Variants in SMAD1 observed in about 807,000 individuals in gnomAD.
SMAD1 encodes the protein MAD, mothers against decapentaplegic homolog 1.
A neutral mutation model predicts 41.6 loss-of-function variants in SMAD1; 6 were observed. That is an observed-to-expected ratio of 0.14 (90% CI 0.08 to 0.28). The LOEUF (loss-of-function observed/expected upper bound fraction) is 0.28, where lower values mean the gene tolerates loss of function less well. SMAD1 is among the 10% of genes least tolerant of loss of function. The pLI is 1.00. For missense variants in SMAD1, 379 were observed against 582.6 expected (o/e 0.65, Z 3.60); for synonymous variants, 206 against 203.2 (o/e 1.01, Z -0.12).
intron 2 of SMAD1, among the ~76,000 whole-genome samples, chr4:145,522,214 G>A (rs1171836442): frequency 6.6e-6 from 1 of 152,140 alleles, no homozygotes; most frequent in African/African-American, 2.4e-5. Context: ...GCAGGAGAAC[G>A]GGTGAACCCA....
At chr4:145,545,265 A>G (rs1174784448) in intron 4 of SMAD1, 1 of 152,226 alleles carries the variant, frequency 6.6e-6, no homozygotes, top group East Asian at 1.9e-4. Context: ...TACAGCCCAT[A>G]AAATCTTGCT....
chr4:145,500,082 C>T (rs768751197), intron 1 of SMAD1, among the ~76,000 whole-genome samples: 1 of 152,076 alleles, frequency 6.6e-6, no homozygotes, highest in African/African-American at 2.4e-5. Context: ...AGAATATATC[C>T]AGAATCTGAC....
intron 2 of SMAD1, among the ~76,000 whole-genome samples, chr4:145,518,311 A>G (rs1730535900): frequency 2.4e-5 from 3 of 125,160 alleles, no homozygotes; most frequent in African/African-American, 7.6e-5. Flanking sequence ...CAGCATAGTA[A>G]AACCCCATCT....
Position 145,482,787 on chromosome 4 carries a change from T to C in SMAD1, c.-177+749T>C, listed in dbSNP as rs534030616. On this transcript the variant is annotated intron_variant, in intron 1 of 6. Transcript: ENST00000302085. The surrounding 1 kb of genome is among the most constrained non-coding windows in gnomAD (Gnocchi z 4.2). ...TCCTGGTGTCTCGTTCCTTTCCCTTTACCGGAGTCGATTGCCTCACTGCAT... is the reference window on the plus strand; with the variant it reads ...TCCTGGTGTCTCGTTCCTTTCCCTTCACCGGAGTCGATTGCCTCACTGCAT... The C allele has an allele frequency of 3.9e-4, 59 of 152,414 alleles. 1 individual carries two copies. Among genetic ancestry groups the C allele is most frequent in the African/African-American group, 1.4e-3 (58 of 41,582 alleles). 9.4% of individuals were successfully genotyped at this position (152,414 alleles called of 1,614,324 possible). A position where few individuals can be genotyped will look rare whatever the true frequency, so the allele number is the denominator to read the frequency against.
chr4:145,534,837 T>C (rs971060166), intron 2 of SMAD1, among the ~76,000 whole-genome samples: 1 of 152,196 alleles, frequency 6.6e-6, no homozygotes, highest in Non-Finnish European at 1.5e-5. Context: ...TTCCTCCTTA[T>C]AATCTGGGTA....
At chr4:145,533,021 T>G (rs1731405445) in intron 2 of SMAD1, among the ~76,000 whole-genome samples, 1 of 152,224 alleles carries the variant, frequency 6.6e-6, no homozygotes. Flanking sequence ...GAAAGGAGCA[T>G]GAAGTGGGGG....
At chr4:145,519,929 TAAC>T (rs1429930489) in intron 2 of SMAD1, among the ~76,000 whole-genome samples, 1 of 152,202 alleles carries the variant, frequency 6.6e-6, no homozygotes, top group Non-Finnish European at 1.5e-5. Flanking sequence ...TTATTTCACT[TAAC>T]AATAATGTCC....
intron 3 of SMAD1, 61 bp from the exon 4 acceptor site, chr4:145,542,520 AC>A (rs1287367005): frequency 5.4e-6 from 5 of 919,432 alleles, no homozygotes; most frequent in Non-Finnish European, 8.5e-6. Flanking sequence ...AGAAGAGGAT[AC>A]GTGTTTTGAG....
rs147602934 is a variant in SMAD1, at chr4:145,542,659, A to C, written c.736A>C (p.Met246Leu). The change falls in exon 4 of 7, where the codon ATG becomes CTG. Residue 246 changes from methionine (M) to leucine (L), a missense_variant. Met to Leu is a conservative substitution (Grantham distance 15, BLOSUM62 2). Around this residue, in one of 3 missense-constraint regions of SMAD1, gnomAD observed 208 missense variants for 210.5 expected, o/e 0.99. Transcript: ENST00000302085. ...TGGCTCTCAGCCGATGGACACAAAC[A>C]TGATGGCGCCTCCCCTGCCCTCAGA... Reference protein sequence around the residue: ...QDGSQPMDTNMMAPPLPSEIN... With the variant: ...QDGSQPMDTNLMAPPLPSEIN... 4 of 1,613,206 alleles carry C rather than the reference A, an allele frequency of 2.5e-6. No individual in the cohort carries two copies. In the South Asian group the frequency reaches 4.4e-5, roughly 18 times the overall value.
intron 2 of SMAD1, among the ~76,000 whole-genome samples, chr4:145,532,811 T>C (rs1046436782): frequency 6.6e-6 from 1 of 152,184 alleles, no homozygotes; most frequent in African/African-American, 2.4e-5. Context: ...TCACCCTCTC[T>C]CCCTTCCTAT....
intron 6 of SMAD1, among the ~76,000 whole-genome samples, chr4:145,555,050 C>T (rs1270650026): frequency 2.0e-5 from 3 of 152,116 alleles, no homozygotes; most frequent in Non-Finnish European, 2.9e-5. Flanking sequence ...CTTAGATTTT[C>T]AGTGTGTTCC....
At chr4:145,523,483 A>G (rs181553170) in intron 2 of SMAD1, among the ~76,000 whole-genome samples, 120 of 152,338 alleles carry the variant, frequency 7.9e-4, no homozygotes, top group Non-Finnish European at 1.3e-3. Context: ...TAGACCAGGG[A>G]AAATACAATG....
chr4:145,528,107 A>ATT (rs751680168), intron 2 of SMAD1, among the ~76,000 whole-genome samples: 1 of 133,752 alleles, frequency 7.5e-6, no homozygotes, highest in African/African-American at 2.9e-5. Flanking sequence ...ACACACATAT[A>ATT]TTTTTTTTTT....
At chr4:145,524,475 G>A (rs1730923280) in intron 2 of SMAD1, among the ~76,000 whole-genome samples, 1 of 152,154 alleles carries the variant, frequency 6.6e-6, no homozygotes, top group South Asian at 2.1e-4. Flanking sequence ...ATCGATGGAA[G>A]CAGACATCTA....
chr4:145,497,913 A>G (rs1317813015), intron 1 of SMAD1: 1 of 152,228 alleles, frequency 6.6e-6, no homozygotes, highest in Non-Finnish European at 1.5e-5. Flanking sequence ...AAGGTGGCCA[A>G]ATGAATGTTT....
chr4:145,553,384 G>A (rs1005420032), intron 5 of SMAD1, among the ~76,000 whole-genome samples: 2 of 152,052 alleles, frequency 1.3e-5, no homozygotes, highest in Non-Finnish European at 2.9e-5. Context: ...GATGGGAAAG[G>A]GATAGTTTCA....
rs1018297905 is a variant in SMAD1, at chr4:145,482,482, A to G, written c.-177+444A>G. The stretch of plus-strand genomic sequence containing the variant: ...CGAGGCCCGTTCGCGTGGCCCGCGG[A>G]CCCATTGTGTCCCCCGCGCCGGCGG... On this transcript the variant is annotated intron_variant, in intron 1 of 6. Coordinates refer to ENST00000302085, the MANE Select transcript of SMAD1 (RefSeq NM_005900.3). The surrounding 1 kb of genome is among the most constrained non-coding windows in gnomAD (Gnocchi z 4.2). 3.3e-5 allele frequency: 5 copies of G among 151,198 alleles called. No homozygotes were observed. Among genetic ancestry groups the G allele is most frequent in the African/African-American group, 9.7e-5 (4 of 41,056 alleles). 9.4% of individuals were successfully genotyped at this position (151,198 alleles called of 1,614,324 possible). A position where few individuals can be genotyped will look rare whatever the true frequency, so the allele number is the denominator to read the frequency against.
chr4:145,548,202 T>TTTTA lies in SMAD1; in HGVS notation c.997+1304_997+1307dup, dbSNP rs377511852. On this transcript the variant is annotated intron_variant, in intron 5 of 6. Coordinates refer to ENST00000302085, the MANE Select transcript of SMAD1 (RefSeq NM_005900.3). The stretch of plus-strand genomic sequence containing the variant: ...AATTACAGTGATGAATTTTACTTCA[T>TTTTA]TTTATTTATTTATTTATTTATTTAT... Among the ~76,000 whole-genome samples the TTTTA allele has an allele frequency of 6.3e-3, 955 of 152,020 alleles. 9 individuals are homozygous for TTTTA. The highest frequency in any genetic ancestry group is 0.022 in the South Asian group (107 of 4,802).
intron 1 of SMAD1, among the ~76,000 whole-genome samples, chr4:145,506,600 T>G (rs1455169075): frequency 6.6e-6 from 1 of 152,214 alleles, no homozygotes; most frequent in Non-Finnish European, 1.5e-5. Context: ...ATTTGTCTCC[T>G]AATCTTTTTA....
Sources: allele counts gnomAD v4.1 joint callset (sites outside exome capture counted in the v4.1 genomes callset), GRCh38; gene constraint gnomAD v4.1.1; regional missense constraint gnomAD v4.1.1; non-coding constraint Gnocchi (gnomAD v3.1); transcripts MANE v1.5; gene names NCBI Gene and HGNC (gene_info 2026-07-23, HGNC 2026-07-21).